Variants in SCFD2 observed in about 807,000 individuals in gnomAD.
SCFD2 encodes the protein sec1 family domain containing 2.
Under a neutral mutation model 58.9 loss-of-function variants are expected in SCFD2, and 54 were observed. The observed-to-expected ratio is 0.92, with a 90% CI of 0.74 to 1.15. The LOEUF is 1.15. Among genes scored for constraint, SCFD2 ranks in the 50% most tolerant of loss-of-function variants. The pLI, the probability that SCFD2 is intolerant of heterozygous loss-of-function variation, is 0.00. For missense variants in SCFD2, 805 were observed against 836.6 expected (o/e 0.96, Z 0.47); for synonymous variants, 321 against 335.9 (o/e 0.96, Z 0.49).
chr4:53,226,866 CCTGT>C (rs1367673859), intron 4 of SCFD2, among the ~76,000 whole-genome samples: 1 of 152,164 alleles, frequency 6.6e-6, no homozygotes, highest in Non-Finnish European at 1.5e-5. Flanking sequence ...CCCTCAAAAA[CCTGT>C]CTATCACTAA....
intron 4 of SCFD2, among the ~76,000 whole-genome samples, chr4:53,182,442 C>G (rs1577813888): frequency 1.3e-5 from 2 of 152,190 alleles, no homozygotes; most frequent in African/African-American, 2.4e-5. Flanking sequence ...GGAAAACTGG[C>G]TAGCCATATG....
chr4:52,889,155 T>C (rs1034639868), intron 7 of SCFD2, among the ~76,000 whole-genome samples: 3 of 152,236 alleles, frequency 2.0e-5, no homozygotes, highest in Non-Finnish European at 2.9e-5. Context: ...ATCGCTGCTA[T>C]AGCCTTCAAG....
At chr4:53,240,495 G>T (rs1307702966) in intron 4 of SCFD2, among the ~76,000 whole-genome samples, 1 of 152,308 alleles carries the variant, frequency 6.6e-6, no homozygotes, top group African/African-American at 2.4e-5. Context: ...AGGGAAGGTT[G>T]CCTGTATTAT....
chr4:52,980,180 T>C (rs1420425226), intron 5 of SCFD2, among the ~76,000 whole-genome samples: 3 of 152,206 alleles, frequency 2.0e-5, no homozygotes, highest in African/African-American at 7.2e-5. Flanking sequence ...GAAATGATAA[T>C]GTTGAAGATG....
intron 7 of SCFD2, among the ~76,000 whole-genome samples, chr4:52,888,278 G>T (rs1460349108): frequency 1.3e-5 from 2 of 152,162 alleles, no homozygotes; most frequent in African/African-American, 4.8e-5. Flanking sequence ...GCAAAGGCAG[G>T]CAGGCAGGAG....
intron 2 of SCFD2, among the ~76,000 whole-genome samples, chr4:53,335,891 G>T (rs532560717): frequency 6.6e-6 from 1 of 152,218 alleles, no homozygotes; most frequent in East Asian, 1.9e-4. Context: ...TTCTCCTAGG[G>T]TAAAAATTAT....
At chr4:53,100,884 A>G (rs1282636179) in intron 5 of SCFD2, among the ~76,000 whole-genome samples, 1 of 152,186 alleles carries the variant, frequency 6.6e-6, no homozygotes, top group Non-Finnish European at 1.5e-5. Flanking sequence ...TCTCATGACT[A>G]TGCAAATACT....
chr4:53,161,718 C>T (rs1482970409), intron 4 of SCFD2, among the ~76,000 whole-genome samples: 1 of 152,164 alleles, frequency 6.6e-6, no homozygotes. Context: ...CTTCAGAGAG[C>T]AGAACAGAAC....
chr4:53,350,433 T>C (rs1734182295), intron 2 of SCFD2, among the ~76,000 whole-genome samples: 2 of 152,334 alleles, frequency 1.3e-5, no homozygotes, highest in South Asian at 4.1e-4. Flanking sequence ...CCTATATTCC[T>C]AGAACTATTT....
At chr4:53,241,751 C>T (rs1009207647) in intron 4 of SCFD2, among the ~76,000 whole-genome samples, 2 of 152,196 alleles carry the variant, frequency 1.3e-5, no homozygotes, top group African/African-American at 4.8e-5. Flanking sequence ...AGTTCACTCC[C>T]TCCCCCTCCT....
chr4:53,286,962 C>A (rs539263865), intron 3 of SCFD2, among the ~76,000 whole-genome samples: 1 of 152,256 alleles, frequency 6.6e-6, no homozygotes, highest in South Asian at 2.1e-4. Context: ...AGTTACTGTG[C>A]CCTGTTGGCT....
intron 5 of SCFD2, among the ~76,000 whole-genome samples, chr4:53,060,231 T>C (rs1723465752): frequency 6.6e-6 from 1 of 152,106 alleles, no homozygotes; most frequent in Admixed American, 6.5e-5. Context: ...AGAGGCCCCA[T>C]TAATTCTACT....
At chr4:53,011,005 G>A (rs1342866827) in intron 5 of SCFD2, among the ~76,000 whole-genome samples, 3 of 152,070 alleles carry the variant, frequency 2.0e-5, no homozygotes, top group South Asian at 2.1e-4. Context: ...TTTCTATAGC[G>A]TACCTTGAAA....
chr4:53,218,935 G>A (rs185506496), intron 4 of SCFD2, among the ~76,000 whole-genome samples: 239 of 152,284 alleles, frequency 1.6e-3, no homozygotes, highest in African/African-American at 4.9e-3. Flanking sequence ...TATCAGCAGC[G>A]GAGGCTGCAG....
intron 5 of SCFD2, among the ~76,000 whole-genome samples, chr4:52,952,519 A>G (rs1560492092): frequency 6.6e-6 from 1 of 152,154 alleles, no homozygotes; most frequent in South Asian, 2.1e-4. Flanking sequence ...ACTCCAGAAA[A>G]AAGTTTATCT....
At chr4:52,920,661 C>T (rs1234578443) in intron 6 of SCFD2, 64 bp downstream of exon 6, 8 of 1,223,380 alleles carry the variant, frequency 6.5e-6, no homozygotes, top group Non-Finnish European at 9.0e-6. Context: ...ACCTTTTCTT[C>T]TATAGACTCT....
chr4:53,203,538 T>G (rs1728317211), intron 4 of SCFD2, among the ~76,000 whole-genome samples: 1 of 151,688 alleles, frequency 6.6e-6, no homozygotes. Flanking sequence ...AGTTTTGTTG[T>G]TTTTTTATAC....
chr4:52,917,141 A>C (rs191091453), intron 6 of SCFD2, among the ~76,000 whole-genome samples: 52 of 152,226 alleles, frequency 3.4e-4, no homozygotes, highest in Admixed American at 3.9e-4. Context: ...TCCTAGCCTT[A>C]AGTTATTCTT....
intron 5 of SCFD2, chr4:52,949,899 T>A (rs1435351996): frequency 6.6e-6 from 1 of 152,146 alleles, no homozygotes; most frequent in East Asian, 1.9e-4. Flanking sequence ...GGTGACAGGG[T>A]CTTGGGCTAG....
Sources: allele counts gnomAD v4.1 joint callset (sites outside exome capture counted in the v4.1 genomes callset), GRCh38; gene constraint gnomAD v4.1.1; transcripts MANE v1.5; gene names NCBI Gene and HGNC (gene_info 2026-07-23, HGNC 2026-07-21).